The following PCDHGB4 variants were observed in gnomAD, a reference collection of about 807,000 sequenced individuals.
PCDHGB4 encodes protocadherin gamma subfamily B, 4.
PCDHGB4 carries 38 observed loss-of-function variants against 60.5 expected under a neutral mutation model. The observed-to-expected ratio is 0.63, with a 90% CI of 0.48 to 0.82. PCDHGB4 has a LOEUF of 0.82. PCDHGB4 is among the 40% of genes least tolerant of loss of function. PCDHGB4 has a pLI of 0.00. For missense variants in PCDHGB4, 1,109 were observed against 1,209.6 expected (o/e 0.92, Z 1.23); for synonymous variants, 456 against 509.7 (o/e 0.89, Z 1.42).
intron 2 of PCDHGB4, 142 bp downstream of exon 2, chr5:141,495,007 G>C (rs2099758216): frequency 2.0e-6 from 3 of 1,522,276 alleles, no homozygotes; most frequent in Non-Finnish European, 8.8e-7. Flanking sequence ...TTGGTGTGCG[G>C]GGGGCTGGCA....
rs751563833 is a variant in PCDHGB4 at position 141,421,382 on chromosome 5, A to T, written c.2397+31101A>T. 5.6e-6 allele frequency: 9 copies of T among 1,613,906 alleles called. No homozygotes were observed. The South Asian group carries it at 8.8e-5, about 16-fold the overall frequency. ...TCCTTCGTGGGCAATATCTCCAAGG[A>T]CCTGGGGCTGGAGCCCCGGGAGCTG... On this transcript the variant is annotated intron_variant, in intron 1 of 3. Transcript: ENST00000519479.
At chr5:141,451,050 G>A (rs915545429) in intron 1 of PCDHGB4, among the ~76,000 whole-genome samples, 6 of 151,352 alleles carry the variant, frequency 4.0e-5, no homozygotes, top group South Asian at 4.2e-4. Flanking sequence ...GGCTGGTCTC[G>A]AACTCCTGAC....
At chr5:141,466,104 AGAGT>A (rs2154569127) in intron 1 of PCDHGB4, among the ~76,000 whole-genome samples, 1 of 152,144 alleles carries the variant, frequency 6.6e-6, no homozygotes, top group Admixed American at 6.5e-5. Flanking sequence ...CCTGGGCAAC[AGAGT>A]GAGACTCCAG....
rs115565444 is a variant in PCDHGB4 at position 141,487,520 on chromosome 5, G to C, written c.2398-7287G>C. 1 of 1,614,166 alleles carries C rather than the reference G, an allele frequency of 6.2e-7. No individual in the cohort carries two copies. Among genetic ancestry groups the C allele is most frequent in the Non-Finnish European group, 8.5e-7 (1 of 1,180,042 alleles). ...CTTGGCTTCTGCACCCACTCGGAGT[G>C]ATAGCTTCATGATGGTGAAGTCACC... On this transcript the variant is annotated intron_variant, in intron 1 of 3. Coordinates refer to ENST00000519479, the MANE Select transcript of PCDHGB4 (RefSeq NM_003736.4). The surrounding 1 kb of genome is among the most constrained non-coding windows in gnomAD (Gnocchi z 5.0).
intron 1 of PCDHGB4, chr5:141,420,535 T>C (rs1322301404): frequency 6.2e-6 from 2 of 321,930 alleles, no homozygotes; most frequent in African/African-American, 4.3e-5. Flanking sequence ...CGGTTAAAAA[T>C]ATAAAATACA....
chr5:141,405,103 G>A (rs368202826), intron 1 of PCDHGB4: 2 of 1,613,922 alleles, frequency 1.2e-6, no homozygotes, highest in Non-Finnish European at 1.7e-6. Flanking sequence ...TCAGGCTGAG[G>A]CACTGGCACT....
Position 141,432,538 on chromosome 5 carries a change from G to T in PCDHGB4, c.2397+42257G>T, listed in dbSNP as rs200601557. 1 of 1,613,908 alleles carries T rather than the reference G, an allele frequency of 6.2e-7. No individual in the cohort carries two copies. Among genetic ancestry groups the T allele is most frequent in the African/African-American group, 1.3e-5 (1 of 74,936 alleles). Reference sequence around the variant, plus strand: ...GCTACCTGGTGACCAAGGTGGTGGCGGTGGACAGAGACTCCGGCCAGAACG... The same window carrying T: ...GCTACCTGGTGACCAAGGTGGTGGCTGTGGACAGAGACTCCGGCCAGAACG... On this transcript the variant is annotated intron_variant, in intron 1 of 3. Coordinates refer to ENST00000519479, the MANE Select transcript of PCDHGB4 (RefSeq NM_003736.4). This position sits in a 1 kb window ranked among gnomAD's most constrained non-coding sequence, Gnocchi z 6.0.
chr5:141,415,427 G>C, intron 1 of PCDHGB4: 3 of 1,614,188 alleles, frequency 1.9e-6, no homozygotes, highest in Non-Finnish European at 2.5e-6. Flanking sequence ...GACGGGGTTC[G>C]GGCTTTCCTG....
intron 1 of PCDHGB4, among the ~76,000 whole-genome samples, chr5:141,407,392 A>G (rs1427023659): frequency 6.6e-6 from 1 of 152,226 alleles, no homozygotes; most frequent in Non-Finnish European, 1.5e-5. Flanking sequence ...ATGTCATGGT[A>G]GGTAGTTACT....
At chr5:141,422,871 G>C in intron 1 of PCDHGB4, 3 of 1,614,216 alleles carry the variant, frequency 1.9e-6, no homozygotes, top group South Asian at 1.1e-5. Flanking sequence ...GCAACGTGTC[G>C]CTGAGCCTGT....
intron 1 of PCDHGB4, chr5:141,400,208 T>G: frequency 6.2e-7 from 1 of 1,614,042 alleles, no homozygotes; most frequent in South Asian, 1.1e-5. Context: ...GCCTTGGCCT[T>G]GATCTCAGTG....
chr5:141,409,159 G>C, intron 1 of PCDHGB4: 1 of 1,614,014 alleles, frequency 6.2e-7, no homozygotes, highest in East Asian at 2.2e-5. Flanking sequence ...CCATGGAAGT[G>C]GAAGCGAAGG....
intron 1 of PCDHGB4, chr5:141,405,635 C>T (rs539370352): frequency 1.3e-4 from 69 of 526,234 alleles, no homozygotes; most frequent in Non-Finnish European, 1.9e-4. Context: ...CCACCACGCC[C>T]GGCTAATTTT....
intron 1 of PCDHGB4, chr5:141,428,221 G>A (rs1314522513): frequency 5.9e-6 from 7 of 1,177,278 alleles, no homozygotes; most frequent in Non-Finnish European, 8.6e-6. Context: ...CCTAGTCTTC[G>A]CAGACAGCCT....
chr5:141,418,699 C>A, intron 1 of PCDHGB4: 1 of 1,614,014 alleles, frequency 6.2e-7, no homozygotes, highest in Non-Finnish European at 8.5e-7. Context: ...TCACTTATTC[C>A]TTCTTTGGTG....
intron 1 of PCDHGB4, among the ~76,000 whole-genome samples, chr5:141,407,809 T>C (rs2094984510): frequency 6.6e-6 from 1 of 152,228 alleles, no homozygotes; most frequent in South Asian, 2.1e-4. Flanking sequence ...TAGAAATATC[T>C]ACTATAATAT....
chr5:141,420,009 A>T, intron 1 of PCDHGB4: 1 of 1,614,088 alleles, frequency 6.2e-7, no homozygotes, highest in Non-Finnish European at 8.5e-7. Context: ...CGCCTGCGAC[A>T]GTCTTTCAGC....
intron 1 of PCDHGB4, among the ~76,000 whole-genome samples, chr5:141,445,447 A>G (rs974383838): frequency 3.4e-4 from 51 of 152,222 alleles, no homozygotes; most frequent in Admixed American, 1.3e-3. Flanking sequence ...TGGACTAAGG[A>G]TGCAGCAATG....
rs770219250 is a variant in PCDHGB4, at chr5:141,477,852, T to C, written c.2398-16955T>C. Reference sequence around the variant, plus strand: ...CGGCCAGGTGGGAGCTCGGTGGAGATGCTGCCTCGAGGTACCTCAGCTGGC... The same window carrying C: ...CGGCCAGGTGGGAGCTCGGTGGAGACGCTGCCTCGAGGTACCTCAGCTGGC... On this transcript the variant is annotated intron_variant, in intron 1 of 3. Transcript: ENST00000519479. This position sits in a 1 kb window ranked among gnomAD's most constrained non-coding sequence, Gnocchi z 4.9. The C allele has an allele frequency of 6.2e-7, 1 of 1,613,654 alleles. No homozygotes were observed. Among genetic ancestry groups the C allele is most frequent in the Admixed American group, 1.7e-5 (1 of 59,980 alleles).
Sources: allele counts gnomAD v4.1 joint callset (sites outside exome capture counted in the v4.1 genomes callset), GRCh38; gene constraint gnomAD v4.1.1; non-coding constraint Gnocchi (gnomAD v3.1); transcripts MANE v1.5; gene names NCBI Gene and HGNC (gene_info 2026-07-23, HGNC 2026-07-21).